Variants in RASGEF1A observed in about 807,000 individuals in gnomAD.
RASGEF1A encodes the protein ras-GEF domain-containing family member 1A.
In RASGEF1A, 18 loss-of-function variants were observed where a neutral mutation model predicts 56.4. The ratio of observed to expected loss-of-function variants is 0.32; its 90% CI spans 0.22 to 0.47. The LOEUF is 0.47. Ranked by LOEUF, RASGEF1A falls within the 20% of genes least tolerant of loss-of-function variation. The pLI is 1.00. For missense variants in RASGEF1A, 422 were observed against 627.1 expected, an observed-to-expected ratio of 0.67 and a Z score of 3.49; for synonymous variants, 245 against 242.6, an observed-to-expected ratio of 1.01 and a Z score of -0.09.
intron 1 of RASGEF1A, among the ~76,000 whole-genome samples, chr10:43,255,750 G>T (rs893138127): frequency 6.6e-6 from 1 of 152,070 alleles, no homozygotes; most frequent in Non-Finnish European, 1.5e-5. Flanking sequence ...AGGGCTGGGG[G>T]TGCTGGGGTG....
At chr10:43,209,447 T>C (rs147314708) in intron 1 of RASGEF1A, among the ~76,000 whole-genome samples, 1 of 152,146 alleles carries the variant, frequency 6.6e-6, no homozygotes, top group South Asian at 2.1e-4. Flanking sequence ...CCTCAAACCC[T>C]TGGAGCCTTA....
At chr10:43,247,111 C>T (rs985693282) in intron 1 of RASGEF1A, among the ~76,000 whole-genome samples, 31 of 152,196 alleles carry the variant, frequency 2.0e-4, no homozygotes, top group African/African-American at 6.8e-4. Context: ...CAAAGGCCCT[C>T]ATGGACATTT....
chr10:43,251,680 T>C (rs1050423788), intron 1 of RASGEF1A, among the ~76,000 whole-genome samples: 1 of 152,168 alleles, frequency 6.6e-6, no homozygotes, highest in Admixed American at 6.5e-5. Flanking sequence ...CGAAACGTGC[T>C]TGTTGAGCGC....
chr10:43,221,582 AG>A (rs1411604329), intron 1 of RASGEF1A, among the ~76,000 whole-genome samples: 1 of 152,232 alleles, frequency 6.6e-6, no homozygotes, highest in Admixed American at 6.5e-5. Flanking sequence ...AGGTGACAGC[AG>A]GGGGAGCCAG....
rs545159149 is a variant in RASGEF1A at position 43,260,361 on chromosome 10, C to A, written c.-7+6484G>T. ...CTGGCACTGGTGCTGTCCTGGAGAT[C>A]CCCTCCTGTGTCTTCCCCTGACAGC... On this transcript the variant is annotated intron_variant, in intron 1 of 12. Transcript: ENST00000395810. Among the ~76,000 whole-genome samples the A allele has an allele frequency of 3.3e-5, 5 of 152,322 alleles. No individual in the cohort carries two copies. In the South Asian group the frequency reaches 6.2e-4, roughly 19 times the overall value.
rs73256069 is a variant in RASGEF1A at position 43,206,055 on chromosome 10, T to C, written c.62A>G (p.Gln21Arg). Residue 21 changes from glutamine to arginine, a missense_variant, in exon 2 of 13, where the codon CAG (glutamine) becomes CGG (arginine). By Grantham distance (43) the Gln-to-Arg change is conservative. Transcript: ENST00000395810. The stretch of plus-strand genomic sequence containing the variant: ...GCCTCCACGCTCCCCCATGCCAGGC[T>C]GCACCTGTCCGCTACAGCTGGGCCC... ...ILGPSCSGQV[Q>R]PGMGERGGGA... is the part of the protein sequence containing the mutation. The C allele has an allele frequency of 5.9e-4, 944 of 1,608,708 alleles. 8 individuals carry two copies. In the African/African-American group the frequency reaches 0.011, roughly 19 times the overall value.
chr10:43,210,980 G>GCCC (rs1840059230), intron 1 of RASGEF1A, among the ~76,000 whole-genome samples: 1 of 143,678 alleles, frequency 7.0e-6, no homozygotes. Context: ...TGGAGCAGCA[G>GCCC]CTCCTTGCAG....
chr10:43,223,777 T>TGCCCC (rs1437318523), intron 1 of RASGEF1A, among the ~76,000 whole-genome samples: 2 of 151,968 alleles, frequency 1.3e-5, no homozygotes, highest in Non-Finnish European at 2.9e-5. Context: ...ATGCCTGTAA[T>TGCCCC]CCCAGCACTT....
intron 1 of RASGEF1A, among the ~76,000 whole-genome samples, chr10:43,259,651 C>G (rs1836491217): frequency 6.6e-6 from 1 of 152,230 alleles, no homozygotes; most frequent in Non-Finnish European, 1.5e-5. Flanking sequence ...AGCCCATGCA[C>G]TGAGTCATAG....
At chr10:43,252,614 C>G (rs1435378566) in intron 1 of RASGEF1A, among the ~76,000 whole-genome samples, 1 of 152,140 alleles carries the variant, frequency 6.6e-6, no homozygotes, top group Non-Finnish European at 1.5e-5. Flanking sequence ...GGGGACGTGA[C>G]TGTGAGGCAG....
chr10:43,255,697 A>G (rs1358539731), intron 1 of RASGEF1A, among the ~76,000 whole-genome samples: 3 of 152,214 alleles, frequency 2.0e-5, no homozygotes, highest in Non-Finnish European at 4.4e-5. Flanking sequence ...GGCCAGAGTT[A>G]AAACCAAAAC....
chr10:43,213,512 C>T (rs1274659199), intron 1 of RASGEF1A, among the ~76,000 whole-genome samples: 2 of 152,112 alleles, frequency 1.3e-5, no homozygotes, highest in African/African-American at 4.8e-5. Context: ...AGGAGGGACC[C>T]TATGTAGCCC....
At chr10:43,215,233 A>C (rs1012430471) in intron 1 of RASGEF1A, among the ~76,000 whole-genome samples, 8 of 152,098 alleles carry the variant, frequency 5.3e-5, no homozygotes, top group Admixed American at 5.2e-4. Flanking sequence ...ATCTGCCAGG[A>C]GGTGGAGGAG....
Position 43,196,280 on chromosome 10 carries a change from C to T in RASGEF1A, c.1422-12G>A, listed in dbSNP as rs1328534536. On this transcript the variant is annotated splice_polypyrimidine_tract_variant and intron_variant, in intron 12 of 12. Coordinates refer to ENST00000395810, the MANE Select transcript of RASGEF1A (RefSeq NM_145313.4). The surrounding 1 kb of genome is among the most constrained non-coding windows in gnomAD (Gnocchi z 4.6). ...TCAGAAGGGTGGTCCTAGAGGGGGA[C>T]AGGACAAGCAGTGCTCAGGCCCGAG... The T allele has an allele frequency of 1.2e-6, 2 of 1,613,348 alleles. No individual in the cohort carries two copies. Among genetic ancestry groups the T allele is most frequent in the Admixed American group, 3.3e-5 (2 of 59,994 alleles).
At chr10:43,266,381 G>C (rs1483577617) in intron 1 of RASGEF1A, among the ~76,000 whole-genome samples, 2 of 152,204 alleles carry the variant, frequency 1.3e-5, no homozygotes, top group African/African-American at 4.8e-5. Flanking sequence ...GCAAGGGCGT[G>C]AGATACCACG....
At chr10:43,233,335 C>G (rs1722548090) in intron 1 of RASGEF1A, among the ~76,000 whole-genome samples, 1 of 151,984 alleles carries the variant, frequency 6.6e-6, no homozygotes, top group African/African-American at 2.4e-5. Context: ...TGTGTGTAGA[C>G]AGATACAGAG....
At chr10:43,266,766 C>T (rs943958982) in intron 1 of RASGEF1A, 79 bp downstream of exon 1, 2 of 146,046 alleles carry the variant, frequency 1.4e-5, no homozygotes, top group African/African-American at 4.9e-5. Context: ...CGCGCCCTGC[C>T]CGCGCCGGCG....
chr10:43,203,204 T>C (rs1839936520), intron 3 of RASGEF1A, 94 bp downstream of exon 3: 1 of 1,055,538 alleles, frequency 9.5e-7, no homozygotes, highest in African/African-American at 2.1e-5. Flanking sequence ...CCCCCAGCTC[T>C]ACCGTGAACC....
intron 2 of RASGEF1A, chr10:43,203,621 A>G (rs1010347933): frequency 7.5e-6 from 9 of 1,198,414 alleles, no homozygotes; most frequent in Admixed American, 7.4e-5. Flanking sequence ...CCTAGGAGGC[A>G]CGGCTCGAGC....
Sources: allele counts gnomAD v4.1 joint callset (sites outside exome capture counted in the v4.1 genomes callset), GRCh38; gene constraint gnomAD v4.1.1; non-coding constraint Gnocchi (gnomAD v3.1); transcripts MANE v1.5; gene names NCBI Gene and HGNC (gene_info 2026-07-23, HGNC 2026-07-21).